The following NFIC variants were observed in gnomAD, a reference collection of about 807,000 sequenced individuals.
NFIC encodes the protein nuclear factor 1 C-type.
Under a neutral mutation model 54.4 loss-of-function variants are expected in NFIC, and 12 were observed. That is an observed-to-expected ratio of 0.22 (90% confidence interval 0.14 to 0.36). The LOEUF (loss-of-function observed/expected upper bound fraction) is 0.36, where lower values mean the gene tolerates loss of function less well. NFIC is among the 10% of genes least tolerant of loss of function. The probability of loss-of-function intolerance (pLI) is 1.00; values close to 1 mark genes in which losing one functional copy is unlikely to be tolerated. For synonymous variants in NFIC, 322 were observed against 319.2 expected, an observed-to-expected ratio of 1.01 and a Z score of -0.09; for missense variants, 575 against 718.2, an observed-to-expected ratio of 0.80 and a Z score of 2.28.
intron 2 of NFIC, among the ~76,000 whole-genome samples, chr19:3,391,886 G>A (rs2081382310): frequency 6.6e-6 from 1 of 151,882 alleles, no homozygotes; most frequent in African/African-American, 2.4e-5. Flanking sequence ...TAGTGTCTGC[G>A]GTGACAGCAC....
chr19:3,453,961 G>A lies in NFIC; in HGVS notation c.1423+45G>A. ...TGCCCTGGTGGGGCGGATGTCCGCAGGGGGGCCTGTCCCCTCCCCAGCCCC... is the reference window on the plus strand; with the variant it reads ...TGCCCTGGTGGGGCGGATGTCCGCAAGGGGGCCTGTCCCCTCCCCAGCCCC... On this transcript the variant is annotated intron_variant, in intron 9 of 10. Coordinates refer to ENST00000443272, the MANE Select transcript of NFIC (RefSeq NM_001245002.2). The surrounding 1 kb of genome is among the most constrained non-coding windows in gnomAD (Gnocchi z 6.7). 5 of 1,471,178 alleles carry A rather than the reference G, an allele frequency of 3.4e-6. No individual in the cohort carries two copies. The highest frequency in any genetic ancestry group is 4.5e-6 in the Non-Finnish European group (5 of 1,116,596). The allele number at this position is 1,471,178 out of a possible 1,614,324, so 91.1% of individuals were successfully genotyped here. A position where few individuals can be genotyped will look rare whatever the true frequency, so the allele number is the denominator to read the frequency against.
chr19:3,403,996 G>C (rs985440866), intron 2 of NFIC, among the ~76,000 whole-genome samples: 1 of 152,102 alleles, frequency 6.6e-6, no homozygotes, highest in Non-Finnish European at 1.5e-5. Context: ...TGGCTCCCGG[G>C]GCTCCCTTCT....
rs539512970 is a variant in NFIC at position 3,370,994 on chromosome 19, G to A, written c.30+4328G>A. 1.3e-4 allele frequency among the ~76,000 whole-genome samples: 20 copies of A among 152,318 alleles called. No individual in the cohort carries two copies. In the South Asian group the frequency reaches 3.5e-3, roughly 27 times the overall value. On this transcript the variant is annotated intron_variant, in intron 1 of 10. Coordinates refer to ENST00000443272, the MANE Select transcript of NFIC (RefSeq NM_001245002.2). The surrounding 1 kb of genome is among the most constrained non-coding windows in gnomAD (Gnocchi z 5.2). ...CACACTCCCTGACACCCATACGGAC[G>A]AGGACACAGCTCTGCCTGCCTCGGA... is the stretch of plus-strand genomic sequence containing the variant.
intron 2 of NFIC, among the ~76,000 whole-genome samples, chr19:3,389,856 T>G (rs1339649844): frequency 2.0e-5 from 3 of 152,088 alleles, no homozygotes; most frequent in Non-Finnish European, 2.9e-5. Flanking sequence ...TGGTGGTGCA[T>G]GCCTGTAATC....
intron 6 of NFIC, 137 bp from the exon 7 acceptor site, chr19:3,448,877 T>C (rs576882737): frequency 1.5e-6 from 2 of 1,365,050 alleles, no homozygotes; most frequent in African/African-American, 2.9e-5. Context: ...GCTCACAGCC[T>C]CTCCCCCTCA....
chr19:3,451,871 CT>C (rs2082469010), intron 7 of NFIC, among the ~76,000 whole-genome samples: 1 of 151,532 alleles, frequency 6.6e-6, no homozygotes, highest in Non-Finnish European at 1.5e-5. Context: ...AATCCCAGCT[CT>C]TTGGGAGGCC....
intron 6 of NFIC, among the ~76,000 whole-genome samples, chr19:3,444,757 C>G (rs527783178): frequency 2.6e-5 from 4 of 152,196 alleles, no homozygotes; most frequent in Non-Finnish European, 5.9e-5. Flanking sequence ...ACCCTAACCT[C>G]GTTCCCGCCG....
At chr19:3,409,909 T>A (rs935140611) in intron 2 of NFIC, among the ~76,000 whole-genome samples, 4 of 152,224 alleles carry the variant, frequency 2.6e-5, no homozygotes, top group African/African-American at 9.6e-5. Flanking sequence ...AGGGTATCAT[T>A]TGAAATACAA....
intron 1 of NFIC, among the ~76,000 whole-genome samples, chr19:3,367,001 C>A (rs2080902233): frequency 6.6e-6 from 1 of 151,460 alleles, no homozygotes; most frequent in Non-Finnish European, 1.5e-5. Context: ...CCCGCCCCGA[C>A]ACTCGGAAAG....
rs542179313 is a variant in NFIC, at chr19:3,448,940, G to T, written c.959-74G>T. 5 of 1,526,594 alleles carry T rather than the reference G, an allele frequency of 3.3e-6. No individual in the cohort carries two copies. The East Asian group carries it at 6.9e-5, about 21-fold the overall frequency. The allele number at this position is 1,526,594 out of a possible 1,614,324, so 94.6% of individuals were successfully genotyped here. ...GATGAGGCTTCCTATCCCTTCGGAG[G>T]CTGGCTTTGGGGAAGGTCCAGGGCT... On this transcript the variant is annotated intron_variant, in intron 6 of 10. Coordinates refer to ENST00000443272, the MANE Select transcript of NFIC (RefSeq NM_001245002.2).
intron 2 of NFIC, among the ~76,000 whole-genome samples, chr19:3,396,886 G>A (rs2081473381): frequency 6.6e-6 from 1 of 152,174 alleles, no homozygotes; most frequent in South Asian, 2.1e-4. Flanking sequence ...AACCCAGGAG[G>A]CAGAGGTTGC....
chr19:3,406,968 G>C (rs1361325496), intron 2 of NFIC, among the ~76,000 whole-genome samples: 2 of 151,592 alleles, frequency 1.3e-5, no homozygotes, highest in East Asian at 3.9e-4. Flanking sequence ...ACAGCCAGGA[G>C]GCCTGTGTGG....
chr19:3,372,038 TCTCTCG>T, intron 1 of NFIC, among the ~76,000 whole-genome samples: 1 of 140,806 alleles, frequency 7.1e-6, no homozygotes, highest in Non-Finnish European at 1.5e-5. Context: ...TCTCTCTCTC[TCTCTCG>T]GAGTCTTGCA....
chr19:3,442,539 A>G (rs915145787), intron 6 of NFIC, among the ~76,000 whole-genome samples: 1 of 152,086 alleles, frequency 6.6e-6, no homozygotes, highest in African/African-American at 2.4e-5. Context: ...GGCGCCTGCC[A>G]CCATGACCAG....
At chr19:3,359,644 C>G, upstream of NFIC, 1 of 1,360,220 alleles carries the variant, frequency 7.4e-7, no homozygotes, top group Non-Finnish European at 9.6e-7. Flanking sequence ...ACCGAGCGCG[C>G]TCGCTCCGGC....
At chr19:3,386,003 G>A (rs1166910151) in intron 2 of NFIC, among the ~76,000 whole-genome samples, 2 of 148,908 alleles carry the variant, frequency 1.3e-5, no homozygotes, top group Non-Finnish European at 3.0e-5. Context: ...CCCTGCGCCC[G>A]GCCCATCCTC....
intron 2 of NFIC, among the ~76,000 whole-genome samples, chr19:3,415,401 G>T (rs2081837855): frequency 1.3e-5 from 2 of 151,960 alleles, no homozygotes; most frequent in African/African-American, 4.8e-5. Flanking sequence ...GATTACAGGT[G>T]TGAGCTCTAC....
intron 9 of NFIC, 199 bp downstream of exon 9, chr19:3,454,115 C>G: frequency 1.5e-6 from 2 of 1,349,116 alleles, no homozygotes; most frequent in Non-Finnish European, 1.9e-6. Context: ...CTGGCCGGAC[C>G]AAGCCTCGGG....
At chr19:3,362,799 C>T (rs977547409), upstream of NFIC, among the ~76,000 whole-genome samples, 6 of 152,080 alleles carry the variant, frequency 3.9e-5, no homozygotes, top group South Asian at 4.2e-4. Context: ...TGAGCAGGTG[C>T]GGGGCTAGGG....
Sources: gnomAD v4.1 joint callset for allele counts (sites outside exome capture counted in the v4.1 genomes callset) on GRCh38, gnomAD v4.1.1 for gene constraint, Gnocchi (gnomAD v3.1) non-coding constraint, MANE v1.5 for transcripts, NCBI Gene and HGNC (gene_info 2026-07-23, HGNC 2026-07-21) for gene names.